SAP30BP: variants seen among roughly 807,000 people sequenced by gnomAD.
The protein encoded by SAP30BP is SAP30 binding protein.
In SAP30BP, 31 loss-of-function variants were observed where a neutral mutation model predicts 46.3. The observed-to-expected ratio is 0.67, with a 90% confidence interval of 0.50 to 0.90. The LOEUF is 0.90. SAP30BP is among the 40% of genes least tolerant of loss of function. The pLI, the probability that SAP30BP is intolerant of heterozygous loss-of-function variation, is 0.00. For synonymous variants in SAP30BP, 169 were observed against 144.2 expected (o/e 1.17, Z -1.23); for missense variants, 312 against 391.0 (o/e 0.80, Z 1.70).
intron 3 of SAP30BP, among the ~76,000 whole-genome samples, chr17:75,689,867 G>A (rs921046974): frequency 1.3e-5 from 2 of 152,166 alleles, no homozygotes; most frequent in African/African-American, 4.8e-5. Flanking sequence ...TGCCTTGAAC[G>A]ACTGGCAGTT....
chr17:75,672,471 A>G (rs938336177), intron 3 of SAP30BP, among the ~76,000 whole-genome samples: 1 of 152,200 alleles, frequency 6.6e-6, no homozygotes, highest in Admixed American at 6.5e-5. Flanking sequence ...ATCACATTCC[A>G]TAATGATCTG....
At chr17:75,697,072 C>T (rs1409832918) in intron 4 of SAP30BP, among the ~76,000 whole-genome samples, 1 of 152,074 alleles carries the variant, frequency 6.6e-6, no homozygotes, top group African/African-American at 2.4e-5. Context: ...CCACCGCGCC[C>T]GGCCCCTCCT....
chr17:75,675,370 T>C (rs1416537446), intron 3 of SAP30BP, among the ~76,000 whole-genome samples: 2 of 151,892 alleles, frequency 1.3e-5, no homozygotes, highest in Non-Finnish European at 2.9e-5. Context: ...AGGATGGTCT[T>C]GATCTCCTGA....
intron 9 of SAP30BP, chr17:75,705,161 C>A: frequency 3.3e-6 from 1 of 304,950 alleles, no homozygotes; most frequent in Non-Finnish European, 6.4e-6. Context: ...CCAGCTTGCG[C>A]TGCTCGGTGA....
At chr17:75,668,426 A>G (rs957646565) in intron 1 of SAP30BP, 90 bp from the exon 2 acceptor site, 2 of 746,266 alleles carry the variant, frequency 2.7e-6, no homozygotes, top group African/African-American at 1.8e-5. Context: ...AGTCTTGGCC[A>G]CTCAAATCTC....
intron 3 of SAP30BP, among the ~76,000 whole-genome samples, chr17:75,689,155 CTTT>C (rs11306586): frequency 1.3e-4 from 17 of 133,942 alleles, no homozygotes; most frequent in Middle Eastern, 3.4e-3. Context: ...TTCCTTGTAT[CTTT>C]TTTTTTTTTT....
At chr17:75,674,714 T>G (rs1437673218) in intron 3 of SAP30BP, among the ~76,000 whole-genome samples, 6 of 134,756 alleles carry the variant, frequency 4.5e-5, no homozygotes, top group South Asian at 2.5e-4. Context: ...TTTTTTTTTT[T>G]TTTTTTTTTT....
chr17:75,681,240 G>A (rs2060072005), intron 3 of SAP30BP, among the ~76,000 whole-genome samples: 1 of 152,202 alleles, frequency 6.6e-6, no homozygotes, highest in Non-Finnish European at 1.5e-5. Context: ...AGTTTGCTGG[G>A]TTACCCCAGG....
intron 3 of SAP30BP, among the ~76,000 whole-genome samples, chr17:75,676,938 A>G (rs964053124): frequency 1.3e-5 from 2 of 152,134 alleles, no homozygotes; most frequent in African/African-American, 2.4e-5. Flanking sequence ...CCCCACGGAT[A>G]AGGGGGCATT....
intron 3 of SAP30BP, chr17:75,690,712 A>C: frequency 2.2e-6 from 1 of 456,750 alleles, no homozygotes; most frequent in Non-Finnish European, 4.4e-6. Flanking sequence ...GGGCTCAGCA[A>C]GCTCATGGCC....
At chr17:75,687,664 G>C (rs1053212380) in intron 3 of SAP30BP, among the ~76,000 whole-genome samples, 1 of 151,712 alleles carries the variant, frequency 6.6e-6, no homozygotes, top group African/African-American at 2.4e-5. Context: ...ACAAAGAATT[G>C]GGTTTGAAAT....
In SAP30BP at chr17:75,706,822, A is replaced by G; in HGVS notation, c.*301A>G. On this transcript the variant is annotated 3_prime_UTR_variant, in exon 11 of 11. Transcript: ENST00000584667. This position sits in a 1 kb window ranked among gnomAD's most constrained non-coding sequence, Gnocchi z 4.6. Reference sequence around the variant, plus strand: ...TGTTTGCAGGCAAATGCTTCAGCTCACATGTCCCCCAAGACTCAATAGTCT... The same window carrying G: ...TGTTTGCAGGCAAATGCTTCAGCTCGCATGTCCCCCAAGACTCAATAGTCT... The G allele has an allele frequency of 2.4e-6, 1 of 425,366 alleles. No homozygotes were observed. The highest frequency in any genetic ancestry group is 4.3e-5 in the East Asian group (1 of 23,056). 26.3% of individuals were successfully genotyped at this position (425,366 alleles called of 1,614,324 possible). A position where few individuals can be genotyped will look rare whatever the true frequency, so the allele number is the denominator to read the frequency against.
At position 75,706,317 on chromosome 17, in the gene SAP30BP, C is replaced by T; in HGVS notation, c.746-23C>T. 1 of 1,608,188 alleles carries T rather than the reference C, an allele frequency of 6.2e-7. No individual in the cohort carries two copies. Among genetic ancestry groups the T allele is most frequent in the Non-Finnish European group, 8.5e-7 (1 of 1,177,988 alleles). On this transcript the variant is annotated intron_variant, in intron 10 of 10. Coordinates refer to ENST00000584667, the MANE Select transcript of SAP30BP (RefSeq NM_013260.8). The surrounding 1 kb of genome is among the most constrained non-coding windows in gnomAD (Gnocchi z 4.6). ...GCACCGCTCATTGGTGGATCGTGAT[C>T]CTGATTTCTGCTTTATCTCCAGATG...
At chr17:75,691,844 T>G (rs2060247511) in intron 3 of SAP30BP, 1 of 245,608 alleles carries the variant, frequency 4.1e-6, no homozygotes, top group African/African-American at 2.2e-5. Flanking sequence ...GTCCCATGTA[T>G]TGTTACTAAC....
intron 3 of SAP30BP, chr17:75,684,142 A>G (rs2060124178): frequency 6.6e-6 from 1 of 152,218 alleles, no homozygotes; most frequent in South Asian, 2.1e-4. Context: ...TGGGCTTTTG[A>G]GCCAAACAGA....
At chr17:75,691,261 A>T in intron 3 of SAP30BP, 1 of 365,246 alleles carries the variant, frequency 2.7e-6, no homozygotes. Flanking sequence ...GAACCCAACT[A>T]CCCAGTTTAT....
intron 3 of SAP30BP, chr17:75,684,186 G>A (rs538388132): frequency 2.0e-5 from 3 of 152,280 alleles, no homozygotes; most frequent in African/African-American, 2.4e-5. Flanking sequence ...CCATTTATTG[G>A]GTGAGCTGCT....
intron 3 of SAP30BP, among the ~76,000 whole-genome samples, chr17:75,681,996 G>A (rs2060083075): frequency 6.6e-6 from 1 of 152,028 alleles, no homozygotes; most frequent in African/African-American, 2.4e-5. Flanking sequence ...TCTGCAGAAC[G>A]AAAGAGCAAA....
chr17:75,704,688 A>C, intron 8 of SAP30BP, 68 bp from the exon 9 acceptor site: 1 of 1,152,372 alleles, frequency 8.7e-7, no homozygotes, highest in Non-Finnish European at 1.3e-6. Context: ...CGCAGGGATC[A>C]GAGTAGGCTC....
Sources: gnomAD v4.1 joint callset for allele counts (sites outside exome capture counted in the v4.1 genomes callset) on GRCh38, gnomAD v4.1.1 for gene constraint, Gnocchi (gnomAD v3.1) non-coding constraint, MANE v1.5 for transcripts, NCBI Gene and HGNC (gene_info 2026-07-23, HGNC 2026-07-21) for gene names.